Variants in NOX4 observed in about 807,000 individuals in gnomAD.
NOX4 encodes NADPH oxidase 4.
A neutral mutation model predicts 87.6 loss-of-function variants in NOX4; 69 were observed. That is an observed-to-expected ratio of 0.79 (90% CI 0.65 to 0.96). The LOEUF (loss-of-function observed/expected upper bound fraction) is 0.96. Among genes scored for constraint, NOX4 ranks in the 40% least tolerant of loss-of-function variants. The pLI, the probability that NOX4 is intolerant of heterozygous loss-of-function variation, is 0.00. For synonymous variants in NOX4, 275 were observed against 238.2 expected (o/e 1.15, Z -1.42); for missense variants, 680 against 681.5 (o/e 1.00, Z 0.02).
chr11:89,338,222 A>T (rs1268236253), intron 15 of NOX4, among the ~76,000 whole-genome samples: 1 of 151,906 alleles, frequency 6.6e-6, no homozygotes, highest in Non-Finnish European at 1.5e-5. Flanking sequence ...TACTCTAGGG[A>T]CCTCCTATAA....
At chr11:89,490,890 G>A (rs56091966) in intron 1 of NOX4, 20,446 of 701,190 alleles carry the variant, frequency 0.029, 914 homozygotes, top group African/African-American at 0.16. Context: ...AAGAACAAAG[G>A]GAGCAAAAAT....
the NOX4 span, among the ~76,000 whole-genome samples, chr11:89,511,411 C>T: frequency 2.0e-4 from 30 of 151,926 alleles, no homozygotes; most frequent in African/African-American, 6.7e-4. Flanking sequence ...TTACTCTTCC[C>T]CCTATCCTCT....
intron 11 of NOX4, among the ~76,000 whole-genome samples, chr11:89,393,235 C>G (rs781159885): frequency 6.6e-6 from 1 of 152,098 alleles, no homozygotes; most frequent in South Asian, 2.1e-4. Flanking sequence ...CACAGAACAA[C>G]ACATCCTATC....
intron 7 of NOX4, among the ~76,000 whole-genome samples, chr11:89,423,657 T>C (rs1412679706): frequency 1.3e-5 from 2 of 152,088 alleles, no homozygotes; most frequent in African/African-American, 4.8e-5. Flanking sequence ...TACTTGGATG[T>C]ACCCCAGACA....
intron 15 of NOX4, 30 bp downstream of exon 15, chr11:89,340,033 T>C: frequency 1.6e-6 from 2 of 1,225,194 alleles, no homozygotes; most frequent in Non-Finnish European, 2.3e-6. Flanking sequence ...ATTTGAAAAA[T>C]TGCAAAACTA....
the NOX4 span, among the ~76,000 whole-genome samples, chr11:89,557,829 G>A: frequency 1.3e-5 from 2 of 152,046 alleles, no homozygotes; most frequent in African/African-American, 4.8e-5. Context: ...TCTATTCAGG[G>A]TCTGAAACAA....
At chr11:89,502,580 G>A (rs1197790778), upstream of NOX4, among the ~76,000 whole-genome samples, 1 of 151,878 alleles carries the variant, frequency 6.6e-6, no homozygotes, top group Non-Finnish European at 1.5e-5. Context: ...CTTACATGAG[G>A]GAGAATAAAA....
intron 5 of NOX4, among the ~76,000 whole-genome samples, chr11:89,441,669 A>G (rs190098591): frequency 1.3e-5 from 2 of 152,272 alleles, no homozygotes; most frequent in Admixed American, 6.5e-5. Context: ...TGGGCTGAAC[A>G]AAGTGGTAAG....
Position 89,340,048 on chromosome 11 carries a change from C to T in NOX4, c.1446+15G>A. 7.1e-7 allele frequency: 1 copy of T among 1,415,622 alleles called. No individual in the cohort carries two copies. The highest frequency in any genetic ancestry group is 1.4e-5 in the South Asian group (1 of 69,972). 87.7% of individuals were successfully genotyped at this position (1,415,622 alleles called of 1,614,324 possible). On this transcript the variant is annotated intron_variant, in intron 15 of 17. Coordinates refer to ENST00000263317, the MANE Select transcript of NOX4 (RefSeq NM_016931.5). ...ATTTGAAAAATTGCAAAACTAGAAC[C>T]AACCCTAATGTTACCTTGTTATGCA... is the stretch of plus-strand genomic sequence containing the variant.
At chr11:89,421,822 T>A in intron 8 of NOX4, 80 bp downstream of exon 8, 1 of 781,910 alleles carries the variant, frequency 1.3e-6, no homozygotes. Context: ...CCACCTCCTA[T>A]GAAATTTCCT....
At chr11:89,401,054 A>T (rs977824321) in intron 9 of NOX4, among the ~76,000 whole-genome samples, 1 of 152,106 alleles carries the variant, frequency 6.6e-6, no homozygotes, top group Non-Finnish European at 1.5e-5. Context: ...GCAGAAGCCT[A>T]TGTGGCTTAC....
At chr11:89,524,254 A>T in the NOX4 span, among the ~76,000 whole-genome samples, 2 of 152,198 alleles carry the variant, frequency 1.3e-5, no homozygotes, top group African/African-American at 4.8e-5. Context: ...TACAAATGTC[A>T]AGTAGGTTTA....
At chr11:89,520,512 C>T in the NOX4 span, among the ~76,000 whole-genome samples, 1 of 152,018 alleles carries the variant, frequency 6.6e-6, no homozygotes, top group Admixed American at 6.6e-5. Context: ...GTTATTAGAA[C>T]TTTTGAATGT....
chr11:89,503,027 T>C (rs533357341), upstream of NOX4, among the ~76,000 whole-genome samples: 1 of 152,144 alleles, frequency 6.6e-6, no homozygotes, highest in Admixed American at 6.6e-5. Context: ...CCTATATAAA[T>C]GAAAAATACC....
the NOX4 span, among the ~76,000 whole-genome samples, chr11:89,563,555 C>CA: frequency 4.6e-5 from 7 of 151,796 alleles, no homozygotes; most frequent in South Asian, 2.1e-4. Context: ...CAAGAACTTG[C>CA]AAAAAAATAC....
chr11:89,485,171 A>T (rs908355586), intron 2 of NOX4, among the ~76,000 whole-genome samples: 13 of 152,262 alleles, frequency 8.5e-5, no homozygotes, highest in African/African-American at 2.9e-4. Flanking sequence ...ATAATGATTG[A>T]CTAAAGAAAG....
intron 8 of NOX4, among the ~76,000 whole-genome samples, chr11:89,415,949 G>A (rs1942742555): frequency 6.6e-6 from 1 of 152,088 alleles, no homozygotes; most frequent in African/African-American, 2.4e-5. Context: ...CAAACCTACA[G>A]TGTGTATTAT....
chr11:89,510,487 TCA>T, the NOX4 span, among the ~76,000 whole-genome samples: 2 of 152,058 alleles, frequency 1.3e-5, no homozygotes, highest in African/African-American at 2.4e-5. Flanking sequence ...TCAATATTGC[TCA>T]GATGGGACAG....
At chr11:89,494,747 T>G (rs564373545), upstream of NOX4, among the ~76,000 whole-genome samples, 3 of 152,344 alleles carry the variant, frequency 2.0e-5, no homozygotes, top group South Asian at 6.2e-4. Flanking sequence ...AAAATGGATG[T>G]TACCAACCCC....
Sources: gnomAD v4.1 joint callset for allele counts (sites outside exome capture counted in the v4.1 genomes callset) on GRCh38, gnomAD v4.1.1 for gene constraint, MANE v1.5 for transcripts, NCBI Gene and HGNC (gene_info 2026-07-23, HGNC 2026-07-21) for gene names.